Variants in LRRTM4 observed in about 807,000 individuals in gnomAD.
The protein encoded by LRRTM4 is leucine rich repeat transmembrane neuronal 4.
Under a neutral mutation model 47.6 loss-of-function variants are expected in LRRTM4, and 25 were observed. The observed-to-expected ratio is 0.53, with a 90% CI of 0.38 to 0.73. The LOEUF (loss-of-function observed/expected upper bound fraction) is 0.73. Among genes scored for constraint, LRRTM4 ranks in the 30% least tolerant of loss-of-function variants. The pLI is 0.00. For missense variants in LRRTM4, 638 were observed against 713.4 expected (o/e 0.89, Z 1.20); for synonymous variants, 311 against 269.5 (o/e 1.15, Z -1.51).
intron 3 of LRRTM4, among the ~76,000 whole-genome samples, chr2:77,298,799 A>T (rs534281175): frequency 6.6e-6 from 1 of 152,272 alleles, no homozygotes; most frequent in Admixed American, 6.5e-5. Flanking sequence ...AGAGAGGAAA[A>T]ATAACTTGAA....
intron 3 of LRRTM4, among the ~76,000 whole-genome samples, chr2:76,992,761 T>C (rs184119317): frequency 7.5e-4 from 113 of 150,478 alleles, no homozygotes; most frequent in African/African-American, 2.7e-3. Flanking sequence ...TTTTATAGAA[T>C]TAGAAAAAAC....
chr2:77,291,751 A>G (rs1375487785), intron 3 of LRRTM4, among the ~76,000 whole-genome samples: 1 of 152,074 alleles, frequency 6.6e-6, no homozygotes, highest in Non-Finnish European at 1.5e-5. Context: ...TTTATTTTGA[A>G]TGACAAAAAT....
intron 3 of LRRTM4, among the ~76,000 whole-genome samples, chr2:76,783,719 C>T (rs1674518012): frequency 6.6e-6 from 1 of 152,164 alleles, no homozygotes; most frequent in Admixed American, 6.5e-5. Context: ...TACCATTTGG[C>T]ATCCCTATTT....
At chr2:77,156,914 T>A (rs1446218372) in intron 3 of LRRTM4, among the ~76,000 whole-genome samples, 3 of 151,690 alleles carry the variant, frequency 2.0e-5, no homozygotes, top group Admixed American at 6.6e-5. Flanking sequence ...TCTCAAGGTG[T>A]TTAGTGGGCC....
Position 76,876,330 on chromosome 2 carries a change from G to A in LRRTM4, c.1552-127414C>T, listed in dbSNP as rs187264131. On this transcript the variant is annotated intron_variant, in intron 3 of 3. Transcript: ENST00000409884. ...TGCTGAATTTCAGAAGCATAAAATT[G>A]CCTACAACCTTGCATTACTGCATGA... 1.2e-4 allele frequency among the ~76,000 whole-genome samples: 19 copies of A among 152,130 alleles called. No individual in the cohort carries two copies. The East Asian group carries it at 3.5e-3, about 28-fold the overall frequency.
At chr2:77,125,609 G>T (rs1003938187) in intron 3 of LRRTM4, among the ~76,000 whole-genome samples, 3 of 152,132 alleles carry the variant, frequency 2.0e-5, no homozygotes, top group African/African-American at 4.8e-5. Context: ...TAGCATGGTC[G>T]TTGTTATCTA....
chr2:77,437,631 T>G (rs1675654871), intron 3 of LRRTM4, among the ~76,000 whole-genome samples: 1 of 152,102 alleles, frequency 6.6e-6, no homozygotes, highest in Non-Finnish European at 1.5e-5. Flanking sequence ...ATAAAGTGAT[T>G]AAAAATGACA....
intron 3 of LRRTM4, among the ~76,000 whole-genome samples, chr2:77,207,752 A>G (rs1489503989): frequency 6.6e-6 from 1 of 151,700 alleles, no homozygotes; most frequent in African/African-American, 2.4e-5. Context: ...GATATGTTCC[A>G]TCACTTATTT....
At chr2:76,987,263 A>G (rs1443288821) in intron 3 of LRRTM4, 3 of 151,916 alleles carry the variant, frequency 2.0e-5, no homozygotes, top group South Asian at 2.1e-4. Flanking sequence ...AGCACTTATA[A>G]CATGCAAGGA....
At chr2:77,438,090 G>A (rs79770031) in intron 3 of LRRTM4, among the ~76,000 whole-genome samples, 1 of 152,016 alleles carries the variant, frequency 6.6e-6, no homozygotes, top group Non-Finnish European at 1.5e-5. Context: ...TTATTTCAGA[G>A]TCTATAAAAT....
chr2:77,132,873 G>A (rs1671839755), intron 3 of LRRTM4, among the ~76,000 whole-genome samples: 1 of 152,120 alleles, frequency 6.6e-6, no homozygotes, highest in South Asian at 2.1e-4. Flanking sequence ...AAAGGGAAAG[G>A]GAAGAAGAAG....
At chr2:76,797,442 C>A (rs1675401530) in intron 3 of LRRTM4, among the ~76,000 whole-genome samples, 1 of 151,914 alleles carries the variant, frequency 6.6e-6, no homozygotes, top group African/African-American at 2.4e-5. Flanking sequence ...ACCAGGCCTG[C>A]CCTAAAAGAG....
chr2:77,037,307 A>T (rs1678870593), intron 3 of LRRTM4, among the ~76,000 whole-genome samples: 1 of 151,780 alleles, frequency 6.6e-6, no homozygotes, highest in Admixed American at 6.6e-5. Flanking sequence ...TTAAATACAA[A>T]GTTCACACTA....
At chr2:77,060,123 G>A (rs1368990614) in intron 3 of LRRTM4, among the ~76,000 whole-genome samples, 1 of 152,146 alleles carries the variant, frequency 6.6e-6, no homozygotes, top group Non-Finnish European at 1.5e-5. Flanking sequence ...GAGAACAACT[G>A]GAGTCAGTTT....
At chr2:76,877,213 GT>G (rs1672802601) in intron 3 of LRRTM4, among the ~76,000 whole-genome samples, 1 of 151,998 alleles carries the variant, frequency 6.6e-6, no homozygotes, top group Non-Finnish European at 1.5e-5. Context: ...ATTTTCTTCA[GT>G]TTGAAGTGAA....
intron 3 of LRRTM4, among the ~76,000 whole-genome samples, chr2:77,077,923 G>A (rs1680390959): frequency 6.6e-6 from 1 of 152,132 alleles, no homozygotes; most frequent in African/African-American, 2.4e-5. Flanking sequence ...AACAAAGGGA[G>A]CATTGCATTT....
chr2:77,021,442 A>G lies in LRRTM4; in HGVS notation c.1552-272526T>C, dbSNP rs528736794. Among the ~76,000 whole-genome samples the G allele has an allele frequency of 5.9e-5, 9 of 152,264 alleles. No homozygotes were observed. The East Asian group carries it at 1.4e-3, about 23-fold the overall frequency. On this transcript the variant is annotated intron_variant, in intron 3 of 3. Transcript: ENST00000409884. ...AAGACATCAAGATAATGCTTTTTCA[A>G]ATTGACTCTGGACTTGCCCATGTGA...
rs1009882685 is a variant in LRRTM4, at chr2:76,754,117, T to A, written c.1552-5201A>T. Among the ~76,000 whole-genome samples, 13 of 152,330 alleles carry A rather than the reference T, an allele frequency of 8.5e-5. No homozygotes were observed. The South Asian group carries it at 2.5e-3, about 29-fold the overall frequency. ...CTAACTACTCAGGGCATTTAAAAAG[T>A]ACCACTATATAAATCCAGATAAAGA... On this transcript the variant is annotated intron_variant, in intron 3 of 3. Transcript: ENST00000409884.
At chr2:76,977,166 A>T (rs1676450175) in intron 3 of LRRTM4, among the ~76,000 whole-genome samples, 1 of 151,284 alleles carries the variant, frequency 6.6e-6, no homozygotes, top group African/African-American at 2.4e-5. Context: ...TCCTAAATAA[A>T]ACTCTAGATT....
Sources: allele counts gnomAD v4.1 joint callset (sites outside exome capture counted in the v4.1 genomes callset), GRCh38; gene constraint gnomAD v4.1.1; transcripts MANE v1.5; gene names NCBI Gene and HGNC (gene_info 2026-07-23, HGNC 2026-07-21).